PWWP2A: variants seen among roughly 807,000 people sequenced by gnomAD.
PWWP2A encodes the protein PWWP domain containing 2A, also known as PWWP domain-containing protein 2A.
Under a neutral mutation model 48.5 loss-of-function variants are expected in PWWP2A, and 18 were observed. The observed-to-expected ratio is 0.37, with a 90% confidence interval of 0.26 to 0.55. The LOEUF (loss-of-function observed/expected upper bound fraction) is 0.55, where lower values mean the gene tolerates loss of function less well. Among genes scored for constraint, PWWP2A ranks in the 20% least tolerant of loss-of-function variants. The pLI, the probability that PWWP2A is intolerant of heterozygous loss-of-function variation, is 0.81. For missense variants in PWWP2A, 867 were observed against 976.4 expected, an observed-to-expected ratio of 0.89 and a Z score of 1.49; for synonymous variants, 396 against 387.7, an observed-to-expected ratio of 1.02 and a Z score of -0.25.
In PWWP2A at chr5:160,115,137, CAAAAAAAAAAA is replaced by C. The variant is rs535110852; in HGVS notation, c.584+3657_584+3667del. 8.3e-3 allele frequency among the ~76,000 whole-genome samples: 735 copies of C among 88,404 alleles called. 8 individuals are homozygous for C. Among genetic ancestry groups the C allele is most frequent in the African/African-American group, 0.015 (261 of 17,558 alleles). The allele number at this position is 88,404 out of a possible 152,430, so 58.0% of individuals were successfully genotyped here. A position where few individuals can be genotyped will look rare whatever the true frequency, so the allele number is the denominator to read the frequency against. Reference sequence around the variant, plus strand: ...CCTGGGTAACAGAGGGAGACTCTGTCAAAAAAAAAAAAAAAAAAAAAAAAAAAAAAGAGCAC... The same window carrying C: ...CCTGGGTAACAGAGGGAGACTCTGTCAAAAAAAAAAAAAAAAAAAGAGCAC... On this transcript the variant is annotated intron_variant, in intron 1 of 1. Transcript: ENST00000307063.
At chr5:160,098,684 G>C (rs1002083480) in intron 1 of PWWP2A, among the ~76,000 whole-genome samples, 2 of 152,192 alleles carry the variant, frequency 1.3e-5, no homozygotes, top group African/African-American at 4.8e-5. Context: ...TAAAATGTTT[G>C]AGAACCACTA....
the PWWP2A span, among the ~76,000 whole-genome samples, chr5:160,055,105 A>G: frequency 6.6e-6 from 1 of 152,176 alleles, no homozygotes; most frequent in Non-Finnish European, 1.5e-5. Flanking sequence ...TACTGGGATG[A>G]TGATACAGGT....
chr5:160,075,256 T>A (rs1490694062), downstream of PWWP2A, among the ~76,000 whole-genome samples: 2 of 152,188 alleles, frequency 1.3e-5, no homozygotes, highest in Non-Finnish European at 2.9e-5. Context: ...GTGGTCTCTT[T>A]TTTACACTCA....
intron 5 of PWWP2A, chr5:160,063,422 C>T (rs1450424904): frequency 2.0e-5 from 3 of 152,606 alleles, no homozygotes; most frequent in Non-Finnish European, 4.4e-5. Flanking sequence ...CCTATGTTGC[C>T]CAGGCTGGTC....
chr5:160,096,012 A>T (rs191836379), intron 1 of PWWP2A, among the ~76,000 whole-genome samples: 24 of 152,280 alleles, frequency 1.6e-4, no homozygotes, highest in Admixed American at 1.5e-3. Context: ...GCTCCCAAAA[A>T]GGTTCAGAAT....
In PWWP2A at chr5:160,076,720, A is replaced by C. The variant is rs1381597595; in HGVS notation, c.*1435T>G. The C allele has an allele frequency of 2.0e-5, 3 of 152,212 alleles. No homozygotes were observed. In the East Asian group the frequency reaches 5.8e-4, roughly 29 times the overall value. 9.4% of individuals were successfully genotyped at this position (152,212 alleles called of 1,614,324 possible). A position where few individuals can be genotyped will look rare whatever the true frequency, so the allele number is the denominator to read the frequency against. ...AAAACTCACCCAGAACCTTCTGTTA[A>C]TCCTGAGCCTGGGGTTATTAGGTAA... On this transcript the variant is annotated 3_prime_UTR_variant, in exon 4 of 4. Coordinates refer to the PWWP2A transcript ENST00000456329.
chr5:160,051,371 A>G, the PWWP2A span, among the ~76,000 whole-genome samples: 1 of 152,034 alleles, frequency 6.6e-6, no homozygotes. Flanking sequence ...TTTTTTGGAA[A>G]CCAGATTTCC....
chr5:160,110,229 G>T (rs1273183756), intron 1 of PWWP2A, among the ~76,000 whole-genome samples: 2 of 151,694 alleles, frequency 1.3e-5, no homozygotes, highest in Non-Finnish European at 1.5e-5. Flanking sequence ...TCACCATGTT[G>T]GCCAGGCTGG....
the PWWP2A span, chr5:160,049,557 A>G: frequency 6.2e-7 from 1 of 1,609,402 alleles, no homozygotes; most frequent in South Asian, 1.1e-5. Context: ...TATTGAGGAG[A>G]GCAGAGTTGT....
intron 1 of PWWP2A, among the ~76,000 whole-genome samples, chr5:160,112,035 G>A (rs1366944815): frequency 2.0e-5 from 3 of 148,462 alleles, no homozygotes; most frequent in East Asian, 2.0e-4. Context: ...GCTGATGTGG[G>A]AGGATTGCTT....
chr5:160,101,576 T>A (rs534772602), intron 1 of PWWP2A, among the ~76,000 whole-genome samples: 14 of 152,200 alleles, frequency 9.2e-5, no homozygotes, highest in African/African-American at 3.4e-4. Context: ...ATGAAAAACT[T>A]CCGGAGATCT....
chr5:160,108,045 A>G (rs1192477157), intron 1 of PWWP2A, among the ~76,000 whole-genome samples: 1 of 152,194 alleles, frequency 6.6e-6, no homozygotes, highest in Non-Finnish European at 1.5e-5. Context: ...AAACATGCCT[A>G]GCATAGTTTG....
chr5:160,114,929 G>A (rs1420164603), intron 1 of PWWP2A, among the ~76,000 whole-genome samples: 1 of 151,722 alleles, frequency 6.6e-6, no homozygotes, highest in East Asian at 1.9e-4. Flanking sequence ...GAAGTCAGGA[G>A]TTCGAGACCA....
Position 160,091,983 on chromosome 5 carries a change from C to CACAT in PWWP2A, c.*398_*399insATGT. On this transcript the variant is annotated 3_prime_UTR_variant, in exon 2 of 2. Transcript: ENST00000307063. ...TCATATATATATATGTGTATATATACATATATATGTGTGTATATATACATA... is the reference window on the plus strand; with the variant it reads ...TCATATATATATATGTGTATATATACACATATATATATGTGTGTATATATACATA... 1.4e-6 allele frequency: 1 copy of CACAT among 707,562 alleles called. No individual in the cohort carries two copies. The allele number at this position is 707,562 out of a possible 1,614,324, so 43.8% of individuals were successfully genotyped here.
In PWWP2A at chr5:160,078,858, T is replaced by C. The variant is rs1057218701; in HGVS notation, c.1670-690A>G. On this transcript the variant is annotated intron_variant, in intron 3 of 3. Transcript: ENST00000456329. This position sits in a 1 kb window ranked among gnomAD's most constrained non-coding sequence, Gnocchi z 4.2. The stretch of plus-strand genomic sequence containing the variant: ...ATTCTCAGCAGAGGCCTCTTCACCA[T>C]ACCTCCAACAAGAAGCAGGACTCCA... 6.6e-6 allele frequency among the ~76,000 whole-genome samples: 1 copy of C among 152,144 alleles called. No individual in the cohort carries two copies. Among genetic ancestry groups the C allele is most frequent in the African/African-American group, 2.4e-5 (1 of 41,448 alleles).
intron 1 of PWWP2A, among the ~76,000 whole-genome samples, chr5:160,097,412 C>G (rs1393486723): frequency 6.8e-6 from 1 of 147,996 alleles, no homozygotes; most frequent in African/African-American, 2.5e-5. Context: ...TTTGGGAGGC[C>G]TGAGGTCAGG....
the PWWP2A span, among the ~76,000 whole-genome samples, chr5:160,048,295 A>G: frequency 6.6e-6 from 1 of 151,672 alleles, no homozygotes; most frequent in Non-Finnish European, 1.5e-5. Context: ...GGGATTATAG[A>G]CCCACACTGC....
At chr5:160,072,290 T>G (rs1162627616), downstream of PWWP2A, among the ~76,000 whole-genome samples, 1 of 152,150 alleles carries the variant, frequency 6.6e-6, no homozygotes, top group Non-Finnish European at 1.5e-5. Context: ...GCAGCACATA[T>G]ACTAAAATTG....
In PWWP2A at chr5:160,118,727, G is replaced by A. The variant is rs892410137; in HGVS notation, c.584+78C>T. On this transcript the variant is annotated intron_variant, in intron 1 of 1. Coordinates refer to ENST00000307063, the MANE Select transcript of PWWP2A (RefSeq NM_001130864.2). Reference sequence around the variant, plus strand: ...CCGGGCAGCGGGGAAGCGAGGGCTCGGGGAGAGGGGGCCGCCCGGGCTCAC... The same window carrying A: ...CCGGGCAGCGGGGAAGCGAGGGCTCAGGGAGAGGGGGCCGCCCGGGCTCAC... 3.8e-6 allele frequency: 5 copies of A among 1,302,448 alleles called. No homozygotes were observed. In the Admixed American group the frequency reaches 1.2e-4, roughly 32 times the overall value. The allele number at this position is 1,302,448 out of a possible 1,614,324, so 80.7% of individuals were successfully genotyped here. A position where few individuals can be genotyped will look rare whatever the true frequency, so the allele number is the denominator to read the frequency against.
Sources: allele counts gnomAD v4.1 joint callset (sites outside exome capture counted in the v4.1 genomes callset), GRCh38; gene constraint gnomAD v4.1.1; non-coding constraint Gnocchi (gnomAD v3.1); transcripts MANE v1.5; gene names NCBI Gene and HGNC (gene_info 2026-07-23, HGNC 2026-07-21).